SNAP47: variants seen among roughly 807,000 people sequenced by gnomAD.
SNAP47 encodes the protein synaptosomal-associated protein 47.
SNAP47 carries 20 observed loss-of-function variants against 31.4 expected under a neutral mutation model. That is an observed-to-expected ratio of 0.64 (90% confidence interval 0.45 to 0.93). The LOEUF (loss-of-function observed/expected upper bound fraction) is 0.93. Ranked by LOEUF, SNAP47 falls within the 40% of genes least tolerant of loss-of-function variation. SNAP47 has a pLI of 0.00. For synonymous variants in SNAP47, 194 were observed against 213.4 expected (o/e 0.91, Z 0.79); for missense variants, 492 against 528.5 (o/e 0.93, Z 0.68).
At chr1:227,768,461 C>G (rs1034695141) in intron 4 of SNAP47, 2 of 331,790 alleles carry the variant, frequency 6.0e-6, no homozygotes, top group South Asian at 1.2e-4. Flanking sequence ...TAAAGACACT[C>G]TGTCTCTTAT....
chr1:227,743,043 G>T (rs1036955448), intron 1 of SNAP47, among the ~76,000 whole-genome samples: 159 of 152,326 alleles, frequency 1.0e-3, no homozygotes, highest in African/African-American at 3.5e-3. Flanking sequence ...GACCCTGGGG[G>T]TGTAGCTAGG....
chr1:227,741,072 G>A lies in SNAP47; in HGVS notation c.-46+5573G>A, dbSNP rs1246872483. Among the ~76,000 whole-genome samples, 1 of 152,020 alleles carries A rather than the reference G, an allele frequency of 6.6e-6. No homozygotes were observed. Among genetic ancestry groups the A allele is most frequent in the Non-Finnish European group, 1.5e-5 (1 of 68,002 alleles). On this transcript the variant is annotated intron_variant, in intron 1 of 4. Coordinates refer to ENST00000617596, the MANE Select transcript of SNAP47 (RefSeq NM_053052.4). The surrounding 1 kb of genome is among the most constrained non-coding windows in gnomAD (Gnocchi z 4.2). ...CGTTAGGGATGGGGGCAGATACCCA[G>A]CAGGTGATAGGGGAGGAGCTGATGG...
chr1:227,731,717 G>C (rs1472712162), upstream of SNAP47: 2 of 154,932 alleles, frequency 1.3e-5, no homozygotes, highest in Non-Finnish European at 2.9e-5. Flanking sequence ...CCAGCTGTGA[G>C]TGCACAGCAG....
upstream of SNAP47, chr1:227,735,300 T>G (rs982656227): frequency 2.5e-6 from 4 of 1,604,526 alleles, no homozygotes; most frequent in South Asian, 4.4e-5. Context: ...CGAAGGACCC[T>G]CCTCCTCACT....
upstream of SNAP47, chr1:227,733,356 T>G: frequency 6.6e-7 from 1 of 1,519,940 alleles, no homozygotes. Context: ...GGGGAGGTGG[T>G]GCTGCCGTCT....
chr1:227,777,451 C>G (rs531426848), intron 4 of SNAP47, among the ~76,000 whole-genome samples: 1 of 152,270 alleles, frequency 6.6e-6, no homozygotes, highest in Admixed American at 6.5e-5. Flanking sequence ...GGGCTTCATG[C>G]CTCCCTGTGG....
At chr1:227,756,959 C>T (rs1294404907) in intron 2 of SNAP47, among the ~76,000 whole-genome samples, 6 of 152,238 alleles carry the variant, frequency 3.9e-5, no homozygotes, top group Non-Finnish European at 7.3e-5. Flanking sequence ...AGGTTGTTCA[C>T]CTCGATCTCA....
chr1:227,734,221 C>T (rs960140380), upstream of SNAP47: 9 of 631,514 alleles, frequency 1.4e-5, no homozygotes, highest in African/African-American at 1.3e-4. Context: ...AGTCTGACTA[C>T]AATGGTTCTG....
intron 1 of SNAP47, chr1:227,743,870 A>G (rs969827683): frequency 6.6e-6 from 1 of 152,170 alleles, no homozygotes; most frequent in Non-Finnish European, 1.5e-5. Context: ...TAAGTCTCGT[A>G]TCTTATTGTG....
At chr1:227,774,317 G>A (rs1251254850) in intron 4 of SNAP47, among the ~76,000 whole-genome samples, 1 of 152,246 alleles carries the variant, frequency 6.6e-6, no homozygotes. Flanking sequence ...GTATTACGCA[G>A]TCTTGGTTCA....
rs1290362444 is a variant in SNAP47 at position 227,741,084 on chromosome 1, G to T, written c.-46+5585G>T. On this transcript the variant is annotated intron_variant, in intron 1 of 4. Coordinates refer to ENST00000617596, the MANE Select transcript of SNAP47 (RefSeq NM_053052.4). The surrounding 1 kb of genome is among the most constrained non-coding windows in gnomAD (Gnocchi z 4.2). ...GGGCAGATACCCAGCAGGTGATAGG[G>T]GAGGAGCTGATGGAAGGAATGTGAA... Among the ~76,000 whole-genome samples the T allele has an allele frequency of 6.6e-6, 1 of 152,010 alleles. No individual in the cohort carries two copies. Among genetic ancestry groups the T allele is most frequent in the Non-Finnish European group, 1.5e-5 (1 of 67,992 alleles).
chr1:227,773,251 A>G (rs559367447), intron 4 of SNAP47, among the ~76,000 whole-genome samples: 1 of 150,646 alleles, frequency 6.6e-6, no homozygotes, highest in Non-Finnish European at 1.5e-5. Context: ...GATTATGGGC[A>G]TGAGCCACTG....
chr1:227,758,478 C>T (rs1053717447), intron 2 of SNAP47, among the ~76,000 whole-genome samples: 10 of 151,908 alleles, frequency 6.6e-5, no homozygotes, highest in Admixed American at 3.3e-4. Context: ...AGCATGCGGA[C>T]GAGAGTGGGT....
upstream of SNAP47, chr1:227,734,646 A>G (rs1326296140): frequency 6.2e-7 from 1 of 1,613,810 alleles, no homozygotes; most frequent in Non-Finnish European, 8.5e-7. Context: ...CCCAAGCCCC[A>G]TTACCTGCAC....
upstream of SNAP47, chr1:227,735,238 G>C (rs756561360): frequency 6.9e-6 from 11 of 1,599,980 alleles, no homozygotes; most frequent in South Asian, 6.7e-5. Context: ...GGCCTCGGAA[G>C]TGGCTGTCGG....
chr1:227,764,142 A>C (rs1480457542), intron 3 of SNAP47, among the ~76,000 whole-genome samples: 1 of 152,148 alleles, frequency 6.6e-6, no homozygotes, highest in Non-Finnish European at 1.5e-5. Flanking sequence ...GCTTTTGTTT[A>C]ATTGCAGTCA....
chr1:227,751,744 G>GTT (rs540732076), intron 2 of SNAP47, among the ~76,000 whole-genome samples: 837 of 69,190 alleles, frequency 0.012, 269 homozygotes, highest in Non-Finnish European at 0.015. Context: ...TAAAGACTTG[G>GTT]TTTTTTTTTT....
In SNAP47 at chr1:227,779,152, T is replaced by C. The variant is rs80299297; in HGVS notation, c.1114-1375T>C. Among the ~76,000 whole-genome samples the C allele has an allele frequency of 4.4e-3, 675 of 152,306 alleles. 5 individuals are homozygous for C. Among genetic ancestry groups the C allele is most frequent in the African/African-American group, 0.015 (634 of 41,544 alleles). On this transcript the variant is annotated intron_variant, in intron 4 of 4. Transcript: ENST00000617596. ...CAGCTTGTTCGCATTTGTGATCTCA[T>C]GTGAGCCACACCGTTCAGTGGAGGG...
At position 227,759,120 on chromosome 1, in the gene SNAP47, G is replaced by C; in HGVS notation, c.623G>C (p.Gly208Ala). 1 of 1,614,118 alleles carries C rather than the reference G, an allele frequency of 6.2e-7. No homozygotes were observed. The highest frequency in any genetic ancestry group is 8.5e-7 in the Non-Finnish European group (1 of 1,180,032). ...AGTTGTGAACCCTTTGGGAAAGAAG[G>C]GATACTGATAAAAATTCCTGCTGTT... ...MTSCEPFGKEGILIKIPAVIS... is the reference protein window; with the variant it reads ...MTSCEPFGKEAILIKIPAVIS... Residue 208 changes from glycine to alanine, a missense_variant, in exon 3 of 5, where the codon GGG (glycine) becomes GCG (alanine). Transcript: ENST00000617596.
Sources: gnomAD v4.1 joint callset for allele counts (sites outside exome capture counted in the v4.1 genomes callset) on GRCh38, gnomAD v4.1.1 for gene constraint, Gnocchi (gnomAD v3.1) non-coding constraint, MANE v1.5 for transcripts, NCBI Gene and HGNC (gene_info 2026-07-23, HGNC 2026-07-21) for gene names.